The following SLC9A9 variants were observed in gnomAD, a reference collection of about 807,000 sequenced individuals.
SLC9A9 encodes the protein solute carrier family 9 member A9, also known as sodium/hydrogen exchanger 9.
A neutral mutation model predicts 77.8 loss-of-function variants in SLC9A9; 62 were observed. That is an observed-to-expected ratio of 0.80 (90% CI 0.65 to 0.98). The LOEUF is 0.98. SLC9A9 is among the 50% of genes least tolerant of loss of function. The probability of loss-of-function intolerance (pLI) is 0.00; values close to 1 mark genes in which losing one functional copy is unlikely to be tolerated. For missense variants in SLC9A9, 775 were observed against 774.9 expected, an observed-to-expected ratio of 1.00 and a Z score of 0.00; for synonymous variants, 320 against 283.5, an observed-to-expected ratio of 1.13 and a Z score of -1.29.
intron 6 of SLC9A9, among the ~76,000 whole-genome samples, chr3:143,630,155 A>G (rs1267015340): frequency 6.6e-6 from 1 of 152,234 alleles, no homozygotes; most frequent in Non-Finnish European, 1.5e-5. Context: ...TATAATAATT[A>G]TCTTTGCGTT....
rs1353382745 is a variant in SLC9A9 at position 143,477,596 on chromosome 3, A to G, written c.1316-10406T>C. On this transcript the variant is annotated intron_variant, in intron 11 of 15. Coordinates refer to ENST00000316549, the MANE Select transcript of SLC9A9 (RefSeq NM_173653.4). ...GTAGGAGGGGCATCCCCCAAACCCC[A>G]CCCAGTTCCATTGTTACATCAACCC... is the stretch of plus-strand genomic sequence containing the variant. Among the ~76,000 whole-genome samples, 3 of 151,850 alleles carry G rather than the reference A, an allele frequency of 2.0e-5. No homozygotes were observed. The East Asian group carries it at 5.8e-4, about 29-fold the overall frequency.
rs532295553 is a variant in SLC9A9 at position 143,619,606 on chromosome 3, G to A, written c.755+32649C>T. On this transcript the variant is annotated intron_variant, in intron 6 of 15. Transcript: ENST00000316549. ...CATGGTGTCATGCTGTGTCAATCCC[G>A]AGGAAAGGCAAATAAATCCTCATTT... is the stretch of plus-strand genomic sequence containing the variant. 4.6e-5 allele frequency among the ~76,000 whole-genome samples: 7 copies of A among 152,214 alleles called. No individual in the cohort carries two copies. The South Asian group carries it at 6.2e-4, about 14-fold the overall frequency.
chr3:143,322,350 G>A (rs6799800), intron 14 of SLC9A9, among the ~76,000 whole-genome samples: 104,894 of 151,972 alleles, frequency 0.69, 37,862 homozygotes, highest in African/African-American at 0.91. Flanking sequence ...TCTCTGGCTT[G>A]CAATTGAGGC....
chr3:143,352,992 TGCGG>T, intron 14 of SLC9A9, among the ~76,000 whole-genome samples: 2 of 152,286 alleles, frequency 1.3e-5, no homozygotes, highest in South Asian at 4.1e-4. Context: ...CCGGGACACA[TGCGG>T]TCCCTACACA....
At chr3:143,504,370 C>T (rs1334275992) in intron 9 of SLC9A9, 2 of 167,894 alleles carry the variant, frequency 1.2e-5, no homozygotes, top group Admixed American at 6.4e-5. Context: ...AATTTTCACT[C>T]AGTTCCAAGT....
intron 9 of SLC9A9, among the ~76,000 whole-genome samples, chr3:143,521,025 C>G (rs2108613420): frequency 6.6e-6 from 1 of 152,202 alleles, no homozygotes. Context: ...CTGTTTGTGA[C>G]TAGAATTTAT....
intron 9 of SLC9A9, among the ~76,000 whole-genome samples, chr3:143,508,166 T>C (rs1038428147): frequency 6.6e-6 from 1 of 152,208 alleles, no homozygotes; most frequent in African/African-American, 2.4e-5. Context: ...GTTTAAGACA[T>C]GACTGAGGAT....
intron 8 of SLC9A9, among the ~76,000 whole-genome samples, chr3:143,567,730 C>A (rs1320233953): frequency 5.9e-5 from 9 of 152,126 alleles, no homozygotes; most frequent in Admixed American, 5.9e-4. Flanking sequence ...AAATTAGTAA[C>A]AACTGAAAGT....
chr3:143,815,595 G>A (rs2008988034), intron 2 of SLC9A9, among the ~76,000 whole-genome samples: 1 of 152,056 alleles, frequency 6.6e-6, no homozygotes. Context: ...GCCGGGCGCA[G>A]TGGCTCACAC....
At chr3:143,370,701 T>C (rs1437003116) in intron 13 of SLC9A9, among the ~76,000 whole-genome samples, 1 of 152,012 alleles carries the variant, frequency 6.6e-6, no homozygotes, top group East Asian at 1.9e-4. Flanking sequence ...GTCTCACGTG[T>C]AGATTTGTGA....
intron 12 of SLC9A9, among the ~76,000 whole-genome samples, chr3:143,393,401 A>G (rs2033619163): frequency 3.9e-5 from 6 of 152,310 alleles, no homozygotes; most frequent in Admixed American, 2.0e-4. Context: ...TTTGAAACCA[A>G]TGAGAACAAA....
At chr3:143,588,885 C>T (rs1171120513) in intron 6 of SLC9A9, among the ~76,000 whole-genome samples, 2 of 152,158 alleles carry the variant, frequency 1.3e-5, no homozygotes, top group East Asian at 3.8e-4. Flanking sequence ...AATTTCTATC[C>T]TTTCTCCAAC....
chr3:143,694,642 T>C (rs575458552), intron 4 of SLC9A9, among the ~76,000 whole-genome samples: 1 of 152,314 alleles, frequency 6.6e-6, no homozygotes, highest in South Asian at 2.1e-4. Context: ...AGTAATTTGC[T>C]TAAGGTGACA....
chr3:143,793,247 T>A (rs1356599863), intron 4 of SLC9A9, among the ~76,000 whole-genome samples: 1 of 152,072 alleles, frequency 6.6e-6, no homozygotes, highest in Non-Finnish European at 1.5e-5. Context: ...GGCAATTATA[T>A]ACAACACACA....
chr3:143,588,082 G>T (rs907664987), intron 6 of SLC9A9, among the ~76,000 whole-genome samples: 2 of 152,138 alleles, frequency 1.3e-5, no homozygotes, highest in African/African-American at 4.8e-5. Context: ...CTAATTCTTA[G>T]ATCTGATGGA....
At chr3:143,549,918 A>T (rs2036851024) in intron 9 of SLC9A9, among the ~76,000 whole-genome samples, 1 of 152,174 alleles carries the variant, frequency 6.6e-6, no homozygotes, top group South Asian at 2.1e-4. Context: ...ATTCAAAATT[A>T]AAAGGATTCT....
chr3:143,302,988 C>G (rs1322404875), intron 14 of SLC9A9, among the ~76,000 whole-genome samples: 1 of 152,238 alleles, frequency 6.6e-6, no homozygotes, highest in Non-Finnish European at 1.5e-5. Context: ...TTCTTGGCAG[C>G]CTTCCCTGCC....
intron 13 of SLC9A9, among the ~76,000 whole-genome samples, chr3:143,376,322 G>C (rs1037803790): frequency 1.3e-5 from 2 of 152,226 alleles, no homozygotes; most frequent in African/African-American, 4.8e-5. Flanking sequence ...TGGGAAGAAA[G>C]AACACGTTTA....
intron 5 of SLC9A9, among the ~76,000 whole-genome samples, chr3:143,678,876 G>T (rs1361003926): frequency 6.6e-6 from 1 of 152,190 alleles, no homozygotes; most frequent in Non-Finnish European, 1.5e-5. Context: ...CCAAGATGGT[G>T]AACTATAATA....
Sources: allele counts gnomAD v4.1 joint callset (sites outside exome capture counted in the v4.1 genomes callset), GRCh38; gene constraint gnomAD v4.1.1; transcripts MANE v1.5; gene names NCBI Gene and HGNC (gene_info 2026-07-23, HGNC 2026-07-21).